MPP7: variants seen among roughly 807,000 people sequenced by gnomAD.
The protein encoded by MPP7 is MAGUK p55 subfamily member 7.
Under a neutral mutation model 76.5 loss-of-function variants are expected in MPP7, and 60 were observed. That is an observed-to-expected ratio of 0.78 (90% CI 0.64 to 0.97). MPP7 has a LOEUF of 0.97. MPP7 is among the 50% of genes least tolerant of loss of function. MPP7 has a pLI of 0.00. For missense variants in MPP7, 641 were observed against 694.0 expected (o/e 0.92, Z 0.86); for synonymous variants, 237 against 244.5 (o/e 0.97, Z 0.29).
intron 3 of MPP7, among the ~76,000 whole-genome samples, chr10:28,158,263 T>C (rs1168813165): frequency 6.6e-6 from 1 of 152,112 alleles, no homozygotes; most frequent in Non-Finnish European, 1.5e-5. Context: ...TTCTCTAGAC[T>C]CAAAGAGATG....
chr10:28,108,229 C>T (rs1834382838), intron 11 of MPP7, among the ~76,000 whole-genome samples: 1 of 152,152 alleles, frequency 6.6e-6, no homozygotes, highest in Non-Finnish European at 1.5e-5. Flanking sequence ...TACCACTAAC[C>T]TCACAGTATT....
intron 3 of MPP7, among the ~76,000 whole-genome samples, chr10:28,163,503 G>C (rs1044307685): frequency 6.6e-6 from 1 of 152,044 alleles, no homozygotes; most frequent in Non-Finnish European, 1.5e-5. Context: ...GGGCTGCCCT[G>C]GTTTATCATG....
At chr10:28,260,876 C>T (rs929110633) in intron 1 of MPP7, among the ~76,000 whole-genome samples, 4 of 151,312 alleles carry the variant, frequency 2.6e-5, no homozygotes, top group African/African-American at 9.7e-5. Context: ...TGCATTTCAA[C>T]TCAGTGTGAG....
At chr10:28,115,063 C>T (rs1252015466) in intron 11 of MPP7, among the ~76,000 whole-genome samples, 3 of 145,400 alleles carry the variant, frequency 2.1e-5, no homozygotes, top group African/African-American at 5.3e-5. Context: ...GGGAAAAATA[C>T]GTTAGGTTTT....
chr10:28,335,156 C>A (rs1834505921), upstream of MPP7, among the ~76,000 whole-genome samples: 4 of 152,184 alleles, frequency 2.6e-5, no homozygotes. Flanking sequence ...TTTGGGTGTC[C>A]CCTTGACATG....
chr10:28,178,386 G>T (rs1386264794), intron 3 of MPP7, among the ~76,000 whole-genome samples: 1 of 151,714 alleles, frequency 6.6e-6, no homozygotes, highest in Non-Finnish European at 1.5e-5. Context: ...AACACAGGCA[G>T]ACAACCAAGA....
At chr10:28,182,251 T>C (rs919447384) in intron 3 of MPP7, among the ~76,000 whole-genome samples, 1 of 152,084 alleles carries the variant, frequency 6.6e-6, no homozygotes, top group Admixed American at 6.6e-5. Context: ...ACCCCTAATA[T>C]TCAAATAAAT....
chr10:28,333,912 G>A (rs1834493119), intron 1 of MPP7, among the ~76,000 whole-genome samples: 1 of 152,200 alleles, frequency 6.6e-6, no homozygotes, highest in South Asian at 2.1e-4. Flanking sequence ...AGCCAAGGGG[G>A]CCGGCTGCGG....
rs572716144 is a variant in MPP7 at position 28,196,619 on chromosome 10, G to A, written c.156+5534C>T. Among the ~76,000 whole-genome samples the A allele has an allele frequency of 3.3e-5, 5 of 152,200 alleles. No individual in the cohort carries two copies. The East Asian group carries it at 9.6e-4, about 29-fold the overall frequency. The stretch of plus-strand genomic sequence containing the variant: ...CAAAATATATAAGAACTGGTACCTG[G>A]TATTGGTATCTTAGGGCTTATACAG... On this transcript the variant is annotated intron_variant, in intron 3 of 16. Transcript: ENST00000683449.
rs562256613 is a variant in MPP7, at chr10:28,284,489, G to A, written c.-132+18372C>T. Among the ~76,000 whole-genome samples, 12 of 152,294 alleles carry A rather than the reference G, an allele frequency of 7.9e-5. No homozygotes were observed. In the East Asian group the frequency reaches 2.3e-3, roughly 29 times the overall value. On this transcript the variant is annotated intron_variant, in intron 1 of 16. Coordinates refer to ENST00000683449, the MANE Select transcript of MPP7 (RefSeq NM_001318170.2). ...AGTCTGCAGCTGAAGACTGAAGAAAGTTGCCTTCCCTTCCTTTCTCCTCTC... is the reference window on the plus strand; with the variant it reads ...AGTCTGCAGCTGAAGACTGAAGAAAATTGCCTTCCCTTCCTTTCTCCTCTC...
chr10:28,086,914 T>C (rs990935357), intron 12 of MPP7, among the ~76,000 whole-genome samples: 3 of 151,970 alleles, frequency 2.0e-5, no homozygotes, highest in Non-Finnish European at 2.9e-5. Flanking sequence ...AGAGTGTAGA[T>C]GGAGTCAAAT....
At chr10:28,262,959 A>G (rs1187302322) in intron 1 of MPP7, among the ~76,000 whole-genome samples, 1 of 152,136 alleles carries the variant, frequency 6.6e-6, no homozygotes, top group Non-Finnish European at 1.5e-5. Context: ...AGGAGGCTGA[A>G]GCACGAGAAT....
chr10:28,143,849 C>T (rs1413755641), intron 5 of MPP7, among the ~76,000 whole-genome samples: 2 of 139,808 alleles, frequency 1.4e-5, no homozygotes, highest in South Asian at 4.8e-4. Context: ...GGACCTCAAT[C>T]GTGTGCTGTG....
chr10:28,101,923 C>G (rs1853844575), intron 11 of MPP7, among the ~76,000 whole-genome samples: 1 of 151,462 alleles, frequency 6.6e-6, no homozygotes, highest in Admixed American at 6.6e-5. Context: ...ATGCCATCCA[C>G]CAAAGCTAAG....
chr10:28,178,180 TCTC>T lies in MPP7; in HGVS notation c.156+23970_156+23972del, dbSNP rs1836939222. On this transcript the variant is annotated intron_variant, in intron 3 of 16. Coordinates refer to ENST00000683449, the MANE Select transcript of MPP7 (RefSeq NM_001318170.2). ...ATGTTCAGCAGCATCCCTGAGCTGT[TCTC>T]CTAGATGCCAGCAGTACCCCCTCCT... is the stretch of plus-strand genomic sequence containing the variant. Among the ~76,000 whole-genome samples the T allele has an allele frequency of 2.6e-5, 4 of 152,026 alleles. No homozygotes were observed. In the South Asian group the frequency reaches 8.3e-4, roughly 32 times the overall value.
chr10:28,211,096 C>T (rs189823002), intron 2 of MPP7, among the ~76,000 whole-genome samples: 87 of 149,340 alleles, frequency 5.8e-4, no homozygotes, highest in Admixed American at 2.1e-3. Flanking sequence ...GTCACTGTCT[C>T]ACTGTCTTTT....
intron 3 of MPP7, among the ~76,000 whole-genome samples, chr10:28,158,408 T>C (rs78014099): frequency 0.034 from 5,232 of 151,920 alleles, 141 homozygotes; most frequent in Non-Finnish European, 0.054. Flanking sequence ...CTTACGGAAA[T>C]AGGAAAAGAG....
chr10:28,304,496 T>C (rs943656995), upstream of MPP7, among the ~76,000 whole-genome samples: 5 of 152,212 alleles, frequency 3.3e-5, no homozygotes, highest in African/African-American at 1.2e-4. Flanking sequence ...AAATTCTTTT[T>C]TCTCTCTTAC....
intron 3 of MPP7, among the ~76,000 whole-genome samples, chr10:28,151,965 A>T (rs1835897969): frequency 6.6e-6 from 1 of 152,184 alleles, no homozygotes; most frequent in South Asian, 2.1e-4. Flanking sequence ...TGACTAGAGG[A>T]TCATCAGTGG....
Sources: allele counts gnomAD v4.1 joint callset (sites outside exome capture counted in the v4.1 genomes callset), GRCh38; gene constraint gnomAD v4.1.1; transcripts MANE v1.5; gene names NCBI Gene and HGNC (gene_info 2026-07-23, HGNC 2026-07-21).